The following DAG1 variants were observed in gnomAD, a reference collection of about 807,000 sequenced individuals.
DAG1 encodes the protein dystroglycan 1.
DAG1 carries 8 observed loss-of-function variants against 46.1 expected under a neutral mutation model. The observed-to-expected ratio is 0.17, with a 90% CI of 0.10 to 0.31. The LOEUF (loss-of-function observed/expected upper bound fraction) is 0.31. Ranked by LOEUF, DAG1 falls within the 10% of genes least tolerant of loss-of-function variation. The pLI is 1.00. For missense variants in DAG1, 1,003 were observed against 1,189.9 expected, an observed-to-expected ratio of 0.84 and a Z score of 2.31; for synonymous variants, 495 against 481.8, an observed-to-expected ratio of 1.03 and a Z score of -0.36.
At position 49,530,994 on chromosome 3, in the gene DAG1, C is replaced by T. The variant is rs1261901336; in HGVS notation, c.483C>T (p.His161=). 16 of 1,614,192 alleles carry T rather than the reference C, an allele frequency of 9.9e-6. No homozygotes were observed. The highest frequency in any genetic ancestry group is 1.3e-5 in the Non-Finnish European group (15 of 1,180,040). The change falls in exon 3 of 3, where the codon CAC becomes CAT. Residue 161 remains histidine (H), a synonymous_variant. Coordinates refer to ENST00000308775, the MANE Select transcript of DAG1 (RefSeq NM_004393.6). ...VFSIEVYPED[H]SELQSVRTAS... ...CCATCGAGGTCTACCCTGAAGACCA[C>T]AGTGAGCTGCAGTCGGTGAGGACAG...
rs568724344 is a variant in DAG1 at position 49,474,598 on chromosome 3, G to A, written c.-117+4165G>A. Among the ~76,000 whole-genome samples, 3 of 151,982 alleles carry A rather than the reference G, an allele frequency of 2.0e-5. No individual in the cohort carries two copies. The East Asian group carries it at 5.8e-4, about 29-fold the overall frequency. On this transcript the variant is annotated intron_variant, in intron 1 of 2. Coordinates refer to ENST00000308775, the MANE Select transcript of DAG1 (RefSeq NM_004393.6). Reference sequence around the variant, plus strand: ...TGACCTCAGGTGATCCACTCTCCTTGGCCTCCCAAAATGCTAGGATTACAG... The same window carrying A: ...TGACCTCAGGTGATCCACTCTCCTTAGCCTCCCAAAATGCTAGGATTACAG...
At chr3:49,493,000 T>G (rs1319287175) in intron 1 of DAG1, 1 of 151,988 alleles carries the variant, frequency 6.6e-6, no homozygotes, top group African/African-American at 2.4e-5. Context: ...CCTGCAGAAT[T>G]TCTTTCCCAT....
intron 2 of DAG1, chr3:49,511,030 GCATCAC>G: frequency 1.1e-6 from 1 of 936,520 alleles, no homozygotes; most frequent in Non-Finnish European, 1.3e-6. Flanking sequence ...TATTCTGAGG[GCATCAC>G]CATGTAATAG....
At chr3:49,477,918 T>C (rs561285982) in intron 1 of DAG1, among the ~76,000 whole-genome samples, 39 of 150,910 alleles carry the variant, frequency 2.6e-4, no homozygotes, top group Admixed American at 9.9e-4. Flanking sequence ...GCTGAGATCC[T>C]GCCATCACAC....
intron 1 of DAG1, among the ~76,000 whole-genome samples, chr3:49,473,883 C>G (rs988178452): frequency 3.2e-4 from 46 of 142,880 alleles, no homozygotes; most frequent in Non-Finnish European, 5.1e-4. Context: ...TGCGCCTGGC[C>G]TTTTTTTTTT....
At chr3:49,487,724 GGA>G (rs2050075354) in intron 1 of DAG1, among the ~76,000 whole-genome samples, 1 of 128,256 alleles carries the variant, frequency 7.8e-6, no homozygotes, top group Non-Finnish European at 1.6e-5. Context: ...GTTTGAGATG[GGA>G]TCGTGCTCTG....
intron 1 of DAG1, among the ~76,000 whole-genome samples, chr3:49,503,644 C>G (rs1392129536): frequency 2.0e-5 from 3 of 152,058 alleles, no homozygotes; most frequent in Non-Finnish European, 4.4e-5. Flanking sequence ...CCAGGCTGGG[C>G]AACATGGTGA....
At chr3:49,497,498 C>T (rs2050346422) in intron 1 of DAG1, among the ~76,000 whole-genome samples, 1 of 151,014 alleles carries the variant, frequency 6.6e-6, no homozygotes, top group Admixed American at 6.6e-5. Flanking sequence ...CCAGTAGTCC[C>T]AGTTGTGGGA....
intron 1 of DAG1, among the ~76,000 whole-genome samples, chr3:49,496,295 A>G (rs1394869837): frequency 6.6e-6 from 1 of 151,844 alleles, no homozygotes; most frequent in African/African-American, 2.4e-5. Context: ...ACCTCAGGCC[A>G]AGTAGCTGGG....
chr3:49,472,568 G>A (rs1487474431), intron 1 of DAG1, among the ~76,000 whole-genome samples: 1 of 152,164 alleles, frequency 6.6e-6, no homozygotes, highest in African/African-American at 2.4e-5. Context: ...AGCAGTTTGG[G>A]AGGCCGAGGC....
At chr3:49,508,244 C>A (rs2107619609) in intron 1 of DAG1, among the ~76,000 whole-genome samples, 1 of 144,604 alleles carries the variant, frequency 6.9e-6, no homozygotes, top group Admixed American at 7.1e-5. Flanking sequence ...TCTTGTTGCC[C>A]AAGCTGGAAT....
At chr3:49,507,342 C>T (rs997691923) in intron 1 of DAG1, among the ~76,000 whole-genome samples, 3 of 152,120 alleles carry the variant, frequency 2.0e-5, no homozygotes, top group Non-Finnish European at 4.4e-5. Flanking sequence ...GTGGGCGGAT[C>T]ACCTGAGGTC....
intron 1 of DAG1, among the ~76,000 whole-genome samples, chr3:49,486,385 A>T (rs1447136923): frequency 6.7e-6 from 1 of 150,360 alleles, no homozygotes; most frequent in Non-Finnish European, 1.5e-5. Flanking sequence ...CGCCCGGCTA[A>T]TTTTTTGTAT....
At chr3:49,484,761 G>A (rs1174099437) in intron 1 of DAG1, among the ~76,000 whole-genome samples, 2 of 151,748 alleles carry the variant, frequency 1.3e-5, no homozygotes, top group African/African-American at 2.4e-5. Context: ...TGGTCACTGG[G>A]TGCCAAGGGG....
At chr3:49,510,384 G>C in intron 1 of DAG1, 35 bp from the exon 2 acceptor site, 1 of 757,854 alleles carries the variant, frequency 1.3e-6, no homozygotes, top group Non-Finnish European at 2.3e-6. Context: ...CACTGGAATT[G>C]CTCAAGTCTA....
rs559000478 is a variant in DAG1 at position 49,472,824 on chromosome 3, C to T, written c.-117+2391C>T. ...TCCGTCTCAAAAACAAAACAAAAAA[C>T]AACTTTATCTCCAGGCAGGGCGTGG... is the stretch of plus-strand genomic sequence containing the variant. On this transcript the variant is annotated intron_variant, in intron 1 of 2. Coordinates refer to ENST00000308775, the MANE Select transcript of DAG1 (RefSeq NM_004393.6). 4.0e-5 allele frequency among the ~76,000 whole-genome samples: 6 copies of T among 151,620 alleles called. No homozygotes were observed. In the East Asian group the frequency reaches 1.2e-3, roughly 30 times the overall value.
chr3:49,509,929 A>G (rs987436542), intron 1 of DAG1, among the ~76,000 whole-genome samples: 4 of 152,064 alleles, frequency 2.6e-5, no homozygotes, highest in Admixed American at 6.5e-5. Context: ...GGATTTTACC[A>G]TGTTGGCCAG....
chr3:49,513,550 T>C (rs1456504306), intron 2 of DAG1, among the ~76,000 whole-genome samples: 2 of 152,118 alleles, frequency 1.3e-5, no homozygotes, highest in African/African-American at 4.8e-5. Context: ...TGTGCCCTTT[T>C]CCCTGAATCT....
intron 1 of DAG1, among the ~76,000 whole-genome samples, chr3:49,483,526 T>C (rs2049939339): frequency 6.6e-6 from 1 of 151,642 alleles, no homozygotes; most frequent in South Asian, 2.1e-4. Context: ...CTGTGTCCAA[T>C]CTGCCAGAGG....
Sources: gnomAD v4.1 joint callset for allele counts (sites outside exome capture counted in the v4.1 genomes callset) on GRCh38, gnomAD v4.1.1 for gene constraint, MANE v1.5 for transcripts, NCBI Gene and HGNC (gene_info 2026-07-23, HGNC 2026-07-21) for gene names.